The following CARD14 variants were observed in gnomAD, a reference collection of about 807,000 sequenced individuals.
CARD14 encodes the protein caspase recruitment domain-containing protein 14.
In CARD14, 107 loss-of-function variants were observed where a neutral mutation model predicts 111.5. The observed-to-expected ratio is 0.96, with a 90% CI of 0.82 to 1.13. The LOEUF (loss-of-function observed/expected upper bound fraction) is 1.13. Among genes scored for constraint, CARD14 ranks in the 50% most tolerant of loss-of-function variants. The pLI is 0.00. For missense variants in CARD14, 1,322 were observed against 1,362.3 expected (o/e 0.97, Z 0.47); for synonymous variants, 617 against 579.6 (o/e 1.06, Z -0.93).
chr17:80,184,014 C>A lies in CARD14; in HGVS notation c.451C>A (p.Arg151=), dbSNP rs777305616. The change falls in exon 7 of 24, where the codon CGG becomes AGG. Residue 151 remains arginine, a synonymous_variant. Coordinates refer to ENST00000648509, the MANE Select transcript of CARD14 (RefSeq NM_001366385.1). ...AAAGGGGCAGAAGGAGGTGCTGCTG[C>A]GGCGGTGCCAGCAGCTGCAGGAGCA... ...QEKGQKEVLL[R]RCQQLQEHLG... is the part of the protein sequence containing the mutation. The A allele has an allele frequency of 6.3e-7, 1 of 1,586,692 alleles. No individual in the cohort carries two copies. The highest frequency in any genetic ancestry group is 8.6e-7 in the Non-Finnish European group (1 of 1,165,616).
At position 80,186,695 on chromosome 17, in the gene CARD14, C is replaced by T. The variant is rs139487721; in HGVS notation, c.676-1682C>T. ...TCCCGAGCAGCTGGGATTATAGGCG[C>T]GCACCACCACACCTGGCTAATTTTT... On this transcript the variant is annotated intron_variant, in intron 7 of 23. Coordinates refer to ENST00000648509, the MANE Select transcript of CARD14 (RefSeq NM_001366385.1). Among the ~76,000 whole-genome samples the T allele has an allele frequency of 6.0e-3, 916 of 152,198 alleles. 12 individuals are homozygous for T. Among genetic ancestry groups the T allele is most frequent in the African/African-American group, 0.021 (874 of 41,534 alleles).
In CARD14 at chr17:80,175,942, C is replaced by T. The variant is rs1469688958; in HGVS notation, c.-366-2566C>T. Among the ~76,000 whole-genome samples the T allele has an allele frequency of 6.6e-5, 8 of 120,702 alleles. No homozygotes were observed. In the East Asian group the frequency reaches 1.3e-3, roughly 20 times the overall value. The allele number at this position is 120,702 out of a possible 152,430, so 79.2% of individuals were successfully genotyped here. A position where few individuals can be genotyped will look rare whatever the true frequency, so the allele number is the denominator to read the frequency against. ...GGAGGCAGGGTGGGATTGCCAGCTG[C>T]TCTCGGATCGTTTTTTTTTTTTTTT... On this transcript the variant is annotated intron_variant, in intron 2 of 23. Coordinates refer to ENST00000648509, the MANE Select transcript of CARD14 (RefSeq NM_001366385.1).
Position 80,208,329 on chromosome 17 carries a change from A to G in CARD14, c.2999A>G (p.Glu1000Gly). The G allele has an allele frequency of 6.3e-7, 1 of 1,599,892 alleles. No homozygotes were observed. The highest frequency in any genetic ancestry group is 8.5e-7 in the Non-Finnish European group (1 of 1,173,256). ...ADEQKKVVWT[E>G]QSPR is the part of the protein sequence containing the mutation. ...GAGCAGAAGAAGGTGGTGTGGACGG[A>G]GCAGAGCCCCCGATGATGCACCGTG... Residue 1000 changes from glutamate to glycine, a missense_variant, in exon 24 of 24, where the codon GAG (glutamate) becomes GGG (glycine). Glu to Gly is a moderately conservative substitution (Grantham distance 98). Coordinates refer to ENST00000648509, the MANE Select transcript of CARD14 (RefSeq NM_001366385.1).
Position 80,198,763 on chromosome 17 carries a change from G to A in CARD14, c.1851+172G>A, listed in dbSNP as rs1170372581. Reference sequence around the variant, plus strand: ...GCGTTCTGCTCATTTATAGATGAGAGTCGTGCCGTGCAGAACCCAGCATGT... The same window carrying A: ...GCGTTCTGCTCATTTATAGATGAGAATCGTGCCGTGCAGAACCCAGCATGT... On this transcript the variant is annotated intron_variant, in intron 16 of 23. Coordinates refer to ENST00000648509, the MANE Select transcript of CARD14 (RefSeq NM_001366385.1). This position sits in a 1 kb window ranked among gnomAD's most constrained non-coding sequence, Gnocchi z 7.5. 6.6e-6 allele frequency: 10 copies of A among 1,520,176 alleles called. No individual in the cohort carries two copies. The highest frequency in any genetic ancestry group is 2.3e-5 in the East Asian group (1 of 43,898). 94.2% of individuals were successfully genotyped at this position (1,520,176 alleles called of 1,614,324 possible).
At chr17:80,187,407 C>G (rs1319046172) in intron 7 of CARD14, among the ~76,000 whole-genome samples, 4 of 152,266 alleles carry the variant, frequency 2.6e-5, no homozygotes, top group Admixed American at 6.5e-5. Flanking sequence ...CTGTCTGTCT[C>G]TCTCTTCGTT....
At chr17:80,171,719 G>A (rs1044393423) in intron 1 of CARD14, among the ~76,000 whole-genome samples, 14 of 152,318 alleles carry the variant, frequency 9.2e-5, no homozygotes, top group Non-Finnish European at 1.6e-4. Context: ...GGCTGGGGCA[G>A]TTGGCTGGGG....
intron 23 of CARD14, among the ~76,000 whole-genome samples, chr17:80,207,928 G>A (rs1045627707): frequency 6.6e-6 from 1 of 151,918 alleles, no homozygotes; most frequent in Non-Finnish European, 1.5e-5. Context: ...TCCTGCTACT[G>A]TGCCCTTTCT....
At chr17:80,180,428 C>G (rs2040133304) in intron 4 of CARD14, among the ~76,000 whole-genome samples, 1 of 152,216 alleles carries the variant, frequency 6.6e-6, no homozygotes, top group African/African-American at 2.4e-5. Flanking sequence ...CCGTTACTAC[C>G]CTGAAGTGTC....
At chr17:80,197,737 C>A (rs1437427178) in intron 14 of CARD14, among the ~76,000 whole-genome samples, 1 of 152,192 alleles carries the variant, frequency 6.6e-6, no homozygotes. Flanking sequence ...TTAGGTGAAA[C>A]CTCCCTGTCT....
chr17:80,207,327 G>A (rs1004254629), intron 23 of CARD14, among the ~76,000 whole-genome samples: 1 of 152,242 alleles, frequency 6.6e-6, no homozygotes, highest in African/African-American at 2.4e-5. Flanking sequence ...AGGGTGGGCA[G>A]ATTGCTTGAG....
Position 80,200,229 on chromosome 17 carries a change from A to ATTTT in CARD14, c.1852-1493_1852-1490dup, listed in dbSNP as rs373332962. On this transcript the variant is annotated intron_variant, in intron 16 of 23. Transcript: ENST00000648509. ...CCCGGGAAGCCTTTCTTTACATGTC[A>ATTTT]TTTTTTTTTTTTTTTTTTTTTTTTT... Among the ~76,000 whole-genome samples the ATTTT allele has an allele frequency of 1.4e-3, 105 of 74,418 alleles. 1 individual carries two copies. Among genetic ancestry groups the ATTTT allele is most frequent in the African/African-American group, 1.7e-3 (30 of 17,944 alleles). 48.8% of individuals were successfully genotyped at this position (74,418 alleles called of 152,430 possible). A position where few individuals can be genotyped will look rare whatever the true frequency, so the allele number is the denominator to read the frequency against.
In CARD14 at chr17:80,208,395, T is replaced by C; in HGVS notation, c.*50T>C. On this transcript the variant is annotated 3_prime_UTR_variant, in exon 24 of 24. Coordinates refer to ENST00000648509, the MANE Select transcript of CARD14 (RefSeq NM_001366385.1). Reference sequence around the variant, plus strand: ...GTGGGGGCTTCTGTGTGCCTGTTAATGCAGTCCTGTTCCTCAGCCCAGGCC... The same window carrying C: ...GTGGGGGCTTCTGTGTGCCTGTTAACGCAGTCCTGTTCCTCAGCCCAGGCC... 2 of 1,473,668 alleles carry C rather than the reference T, an allele frequency of 1.4e-6. No individual in the cohort carries two copies. The highest frequency in any genetic ancestry group is 1.8e-6 in the Non-Finnish European group (2 of 1,088,208). 91.3% of individuals were successfully genotyped at this position (1,473,668 alleles called of 1,614,324 possible).
At chr17:80,190,354 C>T (rs898287752) in intron 9 of CARD14, among the ~76,000 whole-genome samples, 1 of 152,120 alleles carries the variant, frequency 6.6e-6, no homozygotes, top group African/African-American at 2.4e-5. Flanking sequence ...GTGGCCCACG[C>T]ATGTAGTCAG....
At chr17:80,183,774 ACCCGCCCACATGCTC>A in intron 6 of CARD14, 124 bp from the exon 7 acceptor site, 1 of 457,930 alleles carries the variant, frequency 2.2e-6, no homozygotes, top group Non-Finnish European at 3.6e-6. Context: ...CCACATGCTC[ACCCGCCCACATGCTC>A]ACCCGCCCAC....
chr17:80,181,459 G>A lies in CARD14; in HGVS notation c.21G>A (p.Arg7=). The A allele has an allele frequency of 1.3e-6, 2 of 1,578,206 alleles. No individual in the cohort carries two copies. Among genetic ancestry groups the A allele is most frequent in the Non-Finnish European group, 1.7e-6 (2 of 1,161,992 alleles). Residue 7 remains arginine (R), a synonymous_variant, in exon 5 of 24, where the codon AGG becomes AGA. Transcript: ENST00000648509. The stretch of plus-strand genomic sequence containing the variant: ...CAGCCATGGGGGAACTGTGCCGCAG[G>A]GACTCCGCACTCACGGCACTGGACG... The part of the protein sequence containing the change: MGELCR[R]DSALTALDEE...
In CARD14 at chr17:80,208,277, A is replaced by C; in HGVS notation, c.2947A>C (p.Ser983Arg). The C allele has an allele frequency of 1.9e-6, 3 of 1,598,856 alleles. No homozygotes were observed. In the African/African-American group the frequency reaches 4.0e-5, roughly 21 times the overall value. Residue 983 changes from serine (S) to arginine (R), a missense_variant, in exon 24 of 24, where the codon AGC (serine) becomes CGC (arginine). Coordinates refer to ENST00000648509, the MANE Select transcript of CARD14 (RefSeq NM_001366385.1). ...CTGGAGCGACCTGGACGGCCTGCTC[A>C]GCTGTGTCCGCCAGGCCATCGCCGA... ...DGWSDLDGLL[S>R]CVRQAIADEQ...
At chr17:80,205,841 G>C (rs1392246787) in intron 22 of CARD14, 189 bp downstream of exon 22, 5 of 523,878 alleles carry the variant, frequency 9.5e-6, no homozygotes, top group Admixed American at 3.5e-5. Flanking sequence ...ACGTGACTGT[G>C]GGTGAGGTCT....
chr17:80,206,169 G>T (rs1255157569), intron 22 of CARD14, among the ~76,000 whole-genome samples: 1 of 152,214 alleles, frequency 6.6e-6, no homozygotes, highest in Non-Finnish European at 1.5e-5. Context: ...GCCTCATTTA[G>T]AAAGTGGCAA....
At chr17:80,179,492 A>G (rs957604906) in intron 4 of CARD14, among the ~76,000 whole-genome samples, 191 bp downstream of exon 4, 1 of 152,240 alleles carries the variant, frequency 6.6e-6, no homozygotes, top group Admixed American at 6.5e-5. Flanking sequence ...TGCACGAAGT[A>G]TCATGCAAAG....
Sources: allele counts gnomAD v4.1 joint callset (sites outside exome capture counted in the v4.1 genomes callset), GRCh38; gene constraint gnomAD v4.1.1; non-coding constraint Gnocchi (gnomAD v3.1); transcripts MANE v1.5; gene names NCBI Gene and HGNC (gene_info 2026-07-23, HGNC 2026-07-21).